BTBD16: variants seen among roughly 807,000 people sequenced by gnomAD.
BTBD16 encodes the protein BTB domain containing 16.
Under a neutral mutation model 67.4 loss-of-function variants are expected in BTBD16, and 66 were observed. That is an observed-to-expected ratio of 0.98 (90% CI 0.80 to 1.20). The LOEUF (loss-of-function observed/expected upper bound fraction) is 1.20, where lower values mean the gene tolerates loss of function less well. Ranked by LOEUF, BTBD16 falls within the 50% of genes most tolerant of loss-of-function variation. The pLI is 0.00. For missense variants in BTBD16, 634 were observed against 616.0 expected, an observed-to-expected ratio of 1.03 and a Z score of -0.31; for synonymous variants, 242 against 236.4, an observed-to-expected ratio of 1.02 and a Z score of -0.22.
chr10:122,334,847 C>T (rs1186867122), intron 13 of BTBD16, 34 bp from the exon 14 acceptor site: 1 of 1,303,390 alleles, frequency 7.7e-7, no homozygotes, highest in African/African-American at 1.5e-5. Flanking sequence ...ATATTTTCCC[C>T]CCTTCACTTT....
intron 1 of BTBD16, among the ~76,000 whole-genome samples, chr10:122,274,327 A>G (rs554288104): frequency 6.6e-6 from 1 of 152,322 alleles, no homozygotes; most frequent in Admixed American, 6.5e-5. Flanking sequence ...GGACTGTGGG[A>G]GAGCCGACTC....
At chr10:122,284,039 A>G in intron 4 of BTBD16, 115 bp downstream of exon 4, 4 of 735,772 alleles carry the variant, frequency 5.4e-6, no homozygotes, top group Non-Finnish European at 9.5e-6. Flanking sequence ...ATAAGTTGCA[A>G]TTCTCATCCA....
chr10:122,334,827 T>A, intron 13 of BTBD16, 54 bp from the exon 14 acceptor site: 2 of 1,162,204 alleles, frequency 1.7e-6, no homozygotes, highest in Non-Finnish European at 2.6e-6. Context: ...CGGGTGACTT[T>A]GAATACTAAA....
At chr10:122,332,641 A>G (rs1257399171) in intron 13 of BTBD16, 128 bp downstream of exon 13, 1 of 1,062,308 alleles carries the variant, frequency 9.4e-7, no homozygotes, top group Non-Finnish European at 1.3e-6. Context: ...AGAGAGAACC[A>G]CAGGTGTCTC....
Position 122,332,477 on chromosome 10 carries a change from C to A in BTBD16, c.1128C>A (p.Asn376Lys). Residue 376 changes from asparagine to lysine, a missense_variant, in exon 13 of 16, where the codon AAC becomes AAA. Transcript: ENST00000260723. Reference protein sequence around the residue: ...GGDMVHLKDLNTQAVRFGLLF... With the variant: ...GGDMVHLKDLKTQAVRFGLLF... ...ACATGGTCCACCTGAAAGATCTTAA[C>A]ACCCAGGCTGTGAGATTTGGGCTGC... 1 of 1,614,096 alleles carries A rather than the reference C, an allele frequency of 6.2e-7. No homozygotes were observed. The highest frequency in any genetic ancestry group is 8.5e-7 in the Non-Finnish European group (1 of 1,180,018).
intron 5 of BTBD16, among the ~76,000 whole-genome samples, chr10:122,287,824 C>G (rs1009288611): frequency 6.6e-6 from 1 of 152,100 alleles, no homozygotes; most frequent in Non-Finnish European, 1.5e-5. Flanking sequence ...CTGGAGAGGA[C>G]GTGTTTATTC....
intron 10 of BTBD16, among the ~76,000 whole-genome samples, chr10:122,325,239 A>T (rs993418058): frequency 1.4e-4 from 21 of 152,362 alleles, no homozygotes; most frequent in Non-Finnish European, 3.1e-4. Context: ...CATCCAATTA[A>T]TTCACCCAAC....
Position 122,299,066 on chromosome 10 carries a change from AG to A in BTBD16, c.729del (p.Thr244ArgfsTer17), listed in dbSNP as rs774408792. On this transcript the variant is annotated frameshift_variant, in exon 9 of 16. Transcript: ENST00000260723. LOFTEE classifies it high-confidence loss of function. The stretch of plus-strand genomic sequence containing the variant: ...GGCTGGAAATGAACTTGGTTCCTCT[AG>A]GGGGGACGCAGATCCACCTCCACAA... Reference protein sequence around the residue: ...KWLEMNLVPLGGTQIHLHKIP... With the variant: ...KWLEMNLVPLXGTQIHLHKIP... 1.2e-6 allele frequency: 2 copies of A among 1,613,924 alleles called. No individual in the cohort carries two copies. The highest frequency in any genetic ancestry group is 1.7e-6 in the Non-Finnish European group (2 of 1,179,918).
intron 10 of BTBD16, chr10:122,328,924 C>A: frequency 1.4e-6 from 1 of 693,476 alleles, no homozygotes; most frequent in Non-Finnish European, 1.8e-6. Context: ...GCTGCTAAAA[C>A]TAGTTCCCCA....
chr10:122,293,630 G>T (rs925932040), intron 7 of BTBD16, among the ~76,000 whole-genome samples: 1 of 152,230 alleles, frequency 6.6e-6, no homozygotes, highest in Admixed American at 6.5e-5. Flanking sequence ...AGGTCGTGGG[G>T]TGAAAAGTCC....
chr10:122,308,750 C>G (rs1271792549), intron 10 of BTBD16, among the ~76,000 whole-genome samples: 1 of 152,204 alleles, frequency 6.6e-6, no homozygotes, highest in Non-Finnish European at 1.5e-5. Context: ...GACCTTGTGG[C>G]CCACTTTTAG....
At chr10:122,285,591 G>A (rs368349707) in intron 4 of BTBD16, among the ~76,000 whole-genome samples, 2 of 152,138 alleles carry the variant, frequency 1.3e-5, no homozygotes, top group African/African-American at 2.4e-5. Context: ...GGTTGTCACC[G>A]CTGGGGAGGG....
chr10:122,294,152 C>T, intron 7 of BTBD16: 1 of 985,442 alleles, frequency 1.0e-6, no homozygotes, highest in Non-Finnish European at 1.2e-6. Context: ...GGCGGGCCTG[C>T]ACATAGTTGG....
chr10:122,325,453 A>C (rs1276512929), intron 10 of BTBD16, among the ~76,000 whole-genome samples: 1 of 152,140 alleles, frequency 6.6e-6, no homozygotes, highest in Admixed American at 6.5e-5. Context: ...AAGCACCCTA[A>C]GCACCGTGCA....
chr10:122,292,352 A>G (rs2096375647), intron 7 of BTBD16, among the ~76,000 whole-genome samples: 1 of 152,150 alleles, frequency 6.6e-6, no homozygotes, highest in South Asian at 2.1e-4. Context: ...TCTTCCCTGC[A>G]ACCCTAGGAG....
chr10:122,301,178 A>G (rs2096393160), intron 9 of BTBD16, among the ~76,000 whole-genome samples: 1 of 152,162 alleles, frequency 6.6e-6, no homozygotes, highest in African/African-American at 2.4e-5. Flanking sequence ...AAAGATAAAC[A>G]TGGCATCCCT....
At chr10:122,297,889 C>A in intron 8 of BTBD16, 52 bp downstream of exon 8, 1 of 1,553,268 alleles carries the variant, frequency 6.4e-7, no homozygotes, top group South Asian at 1.1e-5. Flanking sequence ...CCTTCAGGAG[C>A]AGCCTAGATG....
At chr10:122,303,430 G>A (rs1406953536) in intron 9 of BTBD16, among the ~76,000 whole-genome samples, 3 of 152,166 alleles carry the variant, frequency 2.0e-5, no homozygotes, top group African/African-American at 7.2e-5. Flanking sequence ...CATATCTAAT[G>A]AGCATTTAAA....
At chr10:122,300,182 T>A (rs925858626) in intron 9 of BTBD16, among the ~76,000 whole-genome samples, 1 of 152,212 alleles carries the variant, frequency 6.6e-6, no homozygotes, top group African/African-American at 2.4e-5. Context: ...TTCCTAGAAA[T>A]GAAGTTACTA....
Sources: allele counts gnomAD v4.1 joint callset (sites outside exome capture counted in the v4.1 genomes callset), GRCh38; gene constraint gnomAD v4.1.1; transcripts MANE v1.5; gene names NCBI Gene and HGNC (gene_info 2026-07-23, HGNC 2026-07-21).